The following RTL4 variants were observed in gnomAD, a reference collection of about 807,000 sequenced individuals.
RTL4 encodes the protein retrotransposon Gag-like protein 4.
In RTL4, 4 loss-of-function variants were observed where a neutral mutation model predicts 5.3. The ratio of observed to expected loss-of-function variants is 0.75; its 90% confidence interval spans 0.37 to 1.72. The LOEUF (loss-of-function observed/expected upper bound fraction) is 1.72. Ranked by LOEUF, RTL4 falls within the 40% of genes most tolerant of loss-of-function variation. The pLI is 0.04. For synonymous variants in RTL4, 98 were observed against 87.3 expected (o/e 1.12, Z -0.68); for missense variants, 260 against 227.1 (o/e 1.14, Z -0.93).
At chrX:112,212,380 A>C in the RTL4 span, among the ~76,000 whole-genome samples, 1 of 112,472 alleles carries the variant, frequency 8.9e-6, no homozygotes, top group East Asian at 2.8e-4. Context: ...CGTCTCAAAA[A>C]AAAAATAAAA....
At chrX:112,419,967 C>G in the RTL4 span, among the ~76,000 whole-genome samples, 2 of 110,626 alleles carry the variant, frequency 1.8e-5, no homozygotes, top group Non-Finnish European at 3.8e-5. Flanking sequence ...TACATTCACA[C>G]CAGAAATGGG....
chrX:112,388,783 GC>G, the RTL4 span, among the ~76,000 whole-genome samples: 1 of 111,934 alleles, frequency 8.9e-6, no homozygotes, highest in Non-Finnish European at 1.9e-5. Context: ...TGGTGGAATA[GC>G]TTTTCGATGT....
At chrX:112,373,837 A>T in the RTL4 span, among the ~76,000 whole-genome samples, 3 of 110,804 alleles carry the variant, frequency 2.7e-5, no homozygotes, top group African/African-American at 9.8e-5. Flanking sequence ...GCTATACATT[A>T]GATCTGTCTT....
the RTL4 span, among the ~76,000 whole-genome samples, chrX:112,301,019 G>A: frequency 7.2e-5 from 8 of 111,674 alleles, no homozygotes; most frequent in South Asian, 2.7e-3. Context: ...ATCAATGAGA[G>A]TTAGGGGTTG....
the RTL4 span, among the ~76,000 whole-genome samples, chrX:112,445,408 G>A: frequency 7.3e-4 from 82 of 112,178 alleles, no homozygotes; most frequent in Non-Finnish European, 1.3e-3. Context: ...TTTGAGGAGA[G>A]ACTTGCTGGA....
the RTL4 span, among the ~76,000 whole-genome samples, chrX:112,089,260 C>G: frequency 8.2e-3 from 910 of 110,991 alleles, 5 homozygotes; most frequent in African/African-American, 0.027. Context: ...ATCCCTCCCC[C>G]CTGGAATCTG....
At chrX:112,096,302 A>G in the RTL4 span, among the ~76,000 whole-genome samples, 1 of 112,340 alleles carries the variant, frequency 8.9e-6, no homozygotes, top group Non-Finnish European at 1.9e-5. Flanking sequence ...TACTTTACAG[A>G]AGGCTGGGTG....
At chrX:112,209,583 G>A in the RTL4 span, among the ~76,000 whole-genome samples, 8 of 111,650 alleles carry the variant, frequency 7.2e-5, no homozygotes, top group South Asian at 2.7e-3. Flanking sequence ...TTGCAGGCTG[G>A]GGAAGAGAAG....
At chrX:112,241,537 G>A in the RTL4 span, among the ~76,000 whole-genome samples, 2 of 111,744 alleles carry the variant, frequency 1.8e-5, no homozygotes, top group African/African-American at 3.3e-5. Context: ...TTTTTGATGG[G>A]GTTGTTTGAT....
the RTL4 span, among the ~76,000 whole-genome samples, chrX:112,426,664 A>G: frequency 7.2e-5 from 8 of 111,519 alleles, no homozygotes; most frequent in African/African-American, 2.6e-4. Context: ...TTTTAATCTC[A>G]AATTCCACTT....
At chrX:112,274,771 T>C in the RTL4 span, among the ~76,000 whole-genome samples, 2 of 111,735 alleles carry the variant, frequency 1.8e-5, no homozygotes, top group African/African-American at 6.5e-5. Context: ...TTTTTCTGCT[T>C]TCTTTTAGAG....
At chrX:112,195,512 T>G in the RTL4 span, among the ~76,000 whole-genome samples, 1 of 111,715 alleles carries the variant, frequency 9.0e-6, no homozygotes, top group Non-Finnish European at 1.9e-5. Flanking sequence ...AGCTCTAGGC[T>G]TGGTGAGCCT....
the RTL4 span, among the ~76,000 whole-genome samples, chrX:112,241,502 G>A: frequency 8.9e-6 from 1 of 112,184 alleles, no homozygotes; most frequent in Non-Finnish European, 1.9e-5. Context: ...CTTCTGAAAA[G>A]TGTCTGTTCA....
the RTL4 span, chrX:112,381,959 G>T: frequency 2.5e-6 from 3 of 1,207,096 alleles, no homozygotes; most frequent in African/African-American, 1.7e-5. Flanking sequence ...GTTTATTTTT[G>T]AATACTCCTC....
At chrX:112,352,677 C>A in the RTL4 span, among the ~76,000 whole-genome samples, 8 of 105,987 alleles carry the variant, frequency 7.5e-5, no homozygotes, top group South Asian at 2.3e-3. Flanking sequence ...TACAAAAATT[C>A]ATTCAAGATG....
chrX:112,098,367 C>T, the RTL4 span, among the ~76,000 whole-genome samples: 703 of 111,312 alleles, frequency 6.3e-3, 9 homozygotes, highest in African/African-American at 0.022. Flanking sequence ...CATTGTTAGA[C>T]ATTTGGGTTG....
the RTL4 span, among the ~76,000 whole-genome samples, chrX:112,088,345 T>C: frequency 2.7e-5 from 3 of 111,479 alleles, no homozygotes; most frequent in East Asian, 2.8e-4. Context: ...TTACTTAATA[T>C]AATGTTTTGA....
the RTL4 span, among the ~76,000 whole-genome samples, chrX:112,291,406 A>G: frequency 9.2e-6 from 1 of 108,562 alleles, no homozygotes; most frequent in African/African-American, 3.4e-5. Flanking sequence ...ACACACACAC[A>G]CACATGCACA....
the RTL4 span, among the ~76,000 whole-genome samples, chrX:112,111,265 CTCTT>C: frequency 5.4e-5 from 6 of 110,472 alleles, no homozygotes; most frequent in Non-Finnish European, 7.6e-5. Context: ...GTCTCTTTCT[CTCTT>C]TCTTTCTCTC....
Sources: gnomAD v4.1 joint callset for allele counts (sites outside exome capture counted in the v4.1 genomes callset) on GRCh38, gnomAD v4.1.1 for gene constraint, MANE v1.5 for transcripts, NCBI Gene and HGNC (gene_info 2026-07-23, HGNC 2026-07-21) for gene names.